The following TNRC6C variants were observed in gnomAD, a reference collection of about 807,000 sequenced individuals.
TNRC6C encodes the protein trinucleotide repeat-containing gene 6C protein.
A neutral mutation model predicts 153.7 loss-of-function variants in TNRC6C; 20 were observed. The observed-to-expected ratio is 0.13, with a 90% CI of 0.09 to 0.19. TNRC6C has a LOEUF of 0.19. Among genes scored for constraint, TNRC6C ranks in the 10% least tolerant of loss-of-function variants. The pLI, the probability that TNRC6C is intolerant of heterozygous loss-of-function variation, is 1.00. For synonymous variants in TNRC6C, 811 were observed against 841.4 expected (o/e 0.96, Z 0.63); for missense variants, 1,987 against 2,172.0 (o/e 0.91, Z 1.69).
intron 3 of TNRC6C, among the ~76,000 whole-genome samples, chr17:78,058,055 C>T (rs2072694203): frequency 6.6e-6 from 1 of 152,138 alleles, no homozygotes; most frequent in Non-Finnish European, 1.5e-5. Context: ...GCCTTTTTAT[C>T]AGAAATTGTA....
At chr17:78,017,682 A>C (rs2071754287) in intron 1 of TNRC6C, among the ~76,000 whole-genome samples, 1 of 152,230 alleles carries the variant, frequency 6.6e-6, no homozygotes, top group Non-Finnish European at 1.5e-5. Context: ...GTGCTCTCCC[A>C]GCTATAGGTC....
At chr17:78,025,677 T>C (rs2071929576) in intron 1 of TNRC6C, among the ~76,000 whole-genome samples, 2 of 152,112 alleles carry the variant, frequency 1.3e-5, no homozygotes, top group African/African-American at 4.8e-5. Flanking sequence ...TATTTAAGAA[T>C]CAACTTCAAC....
chr17:78,048,703 TTTTC>T (rs2072458472), intron 2 of TNRC6C, 138 bp from the exon 5 acceptor site: 12 of 830,364 alleles, frequency 1.4e-5, no homozygotes, highest in Non-Finnish European at 1.8e-5. Context: ...CAAATAGCTT[TTTTC>T]TTTAAGTCAT....
At chr17:78,070,789 A>G (rs189021676) in intron 5 of TNRC6C, among the ~76,000 whole-genome samples, 1 of 152,306 alleles carries the variant, frequency 6.6e-6, no homozygotes, top group Non-Finnish European at 1.5e-5. Context: ...TGGATAGTAA[A>G]AGTAGTCTAT....
At chr17:78,028,438 T>C (rs2071989738) in intron 1 of TNRC6C, among the ~76,000 whole-genome samples, 1 of 152,170 alleles carries the variant, frequency 6.6e-6, no homozygotes, top group African/African-American at 2.4e-5. Context: ...CCAAACTGCA[T>C]GTCACATGAT....
At chr17:78,051,278 A>G (rs1567938676) in exon 3 of TNRC6C, 1 of 1,552,898 alleles carries the variant, frequency 6.4e-7, no homozygotes, top group East Asian at 2.4e-5. Flanking sequence ...AACTATAACA[A>G]TAAAACTGTA....
rs2073665818 is a variant in TNRC6C, at chr17:78,104,936, G to A, written c.*91G>A. On this transcript the variant is annotated 3_prime_UTR_variant, in exon 20 of 20. Coordinates refer to ENST00000301624, the Ensembl canonical transcript of TNRC6C. The surrounding 1 kb of genome is among the most constrained non-coding windows in gnomAD (Gnocchi z 6.2). ...ACAGACCCGCTGGAACCCAGCAGCG[G>A]CCGCCCTTTTGAGTACCTCTGTCCA... 1 of 1,366,478 alleles carries A rather than the reference G, an allele frequency of 7.3e-7. No homozygotes were observed. Among genetic ancestry groups the A allele is most frequent in the East Asian group, 3.0e-5 (1 of 33,528 alleles). 84.6% of individuals were successfully genotyped at this position (1,366,478 alleles called of 1,614,324 possible).
chr17:77,999,276 T>G (rs1047228604), upstream of TNRC6C, among the ~76,000 whole-genome samples: 1 of 152,152 alleles, frequency 6.6e-6, no homozygotes, highest in Non-Finnish European at 1.5e-5. Flanking sequence ...GGGTTTCTCT[T>G]GGTTGTAGGT....
At position 78,049,325 on chromosome 17, in the gene TNRC6C, G is replaced by T. The variant is rs761144824; in HGVS notation, c.263G>T (p.Gly88Val). The stretch of plus-strand genomic sequence containing the variant: ...GATGGGAGAAGTCAGAATTGCTGGG[G>T]TGCTTCCAACTCCAATGCTGGCATT... The change falls in exon 3 of 20, where the codon GGT becomes GTT. Residue 88 changes from glycine (G) to valine (V), a missense_variant. Gly to Val is a moderately radical substitution (Grantham distance 109, BLOSUM62 -3). Coordinates refer to ENST00000301624, the Ensembl canonical transcript of TNRC6C. This position sits in a 1 kb window ranked among gnomAD's most constrained non-coding sequence, Gnocchi z 4.1. 2 of 1,614,004 alleles carry T rather than the reference G, an allele frequency of 1.2e-6. No individual in the cohort carries two copies. The highest frequency in any genetic ancestry group is 1.7e-6 in the Non-Finnish European group (2 of 1,179,906).
intron 3 of TNRC6C, among the ~76,000 whole-genome samples, chr17:78,053,235 A>G (rs770031021): frequency 6.6e-6 from 1 of 152,194 alleles, no homozygotes; most frequent in Admixed American, 6.5e-5. Flanking sequence ...TGTGATTCCA[A>G]TTGTTTACTA....
intron 1 of TNRC6C, among the ~76,000 whole-genome samples, chr17:78,014,361 A>G (rs1432018051): frequency 1.6e-4 from 24 of 152,160 alleles, no homozygotes; most frequent in Non-Finnish European, 4.4e-5. Flanking sequence ...TACATATGAG[A>G]AGATTACAGG....
At chr17:78,040,233 C>G (rs1443376881) in intron 2 of TNRC6C, among the ~76,000 whole-genome samples, 1 of 152,198 alleles carries the variant, frequency 6.6e-6, no homozygotes, top group African/African-American at 2.4e-5. Context: ...TCCAGAGATT[C>G]CAAAGAATGC....
chr17:77,969,190 C>T (rs2070921783), intron 1 of TNRC6C, among the ~76,000 whole-genome samples: 1 of 152,148 alleles, frequency 6.6e-6, no homozygotes, highest in Non-Finnish European at 1.5e-5. Flanking sequence ...GGCTGTGCTC[C>T]TCACCGCTCT....
At chr17:78,098,232 A>C in intron 16 of TNRC6C, 111 bp from the exon 20 acceptor site, 1 of 1,070,520 alleles carries the variant, frequency 9.3e-7, no homozygotes, top group Non-Finnish European at 1.3e-6. Context: ...TTCTTTGCCT[A>C]TCACACAGTC....
intron 1 of TNRC6C, among the ~76,000 whole-genome samples, chr17:77,973,231 A>G (rs1463484171): frequency 6.6e-6 from 1 of 152,208 alleles, no homozygotes; most frequent in Admixed American, 6.5e-5. Flanking sequence ...TAGATGAAGA[A>G]CAAAACCACA....
At chr17:77,965,426 C>A (rs1390267244) in intron 1 of TNRC6C, among the ~76,000 whole-genome samples, 1 of 152,218 alleles carries the variant, frequency 6.6e-6, no homozygotes, top group Non-Finnish European at 1.5e-5. Context: ...TACATGGAAG[C>A]TGAAACTGAT....
intron 2 of TNRC6C, among the ~76,000 whole-genome samples, chr17:78,032,312 T>A (rs1323148310): frequency 6.6e-6 from 1 of 152,242 alleles, no homozygotes; most frequent in Non-Finnish European, 1.5e-5. Flanking sequence ...CTCCTCATCC[T>A]AAGCCCTGCT....
At chr17:77,984,846 A>ACT (rs948425961) in intron 1 of TNRC6C, among the ~76,000 whole-genome samples, 2 of 151,408 alleles carry the variant, frequency 1.3e-5, no homozygotes, top group African/African-American at 4.9e-5. Context: ...ACACACACAC[A>ACT]CTCTTTTAGC....
chr17:78,069,514 G>C (rs1033793622), intron 5 of TNRC6C, among the ~76,000 whole-genome samples: 5 of 152,280 alleles, frequency 3.3e-5, no homozygotes, highest in African/African-American at 1.2e-4. Flanking sequence ...CTCCTGAGTA[G>C]CTGGGTCTAC....
Sources: gnomAD v4.1 joint callset for allele counts (sites outside exome capture counted in the v4.1 genomes callset) on GRCh38, gnomAD v4.1.1 for gene constraint, Gnocchi (gnomAD v3.1) non-coding constraint, MANE v1.5 for transcripts, NCBI Gene and HGNC (gene_info 2026-07-23, HGNC 2026-07-21) for gene names.